CADM2: variants seen among roughly 807,000 people sequenced by gnomAD.
CADM2 encodes the protein cell adhesion molecule 2, also known as immunoglobulin superfamily member 4D.
CADM2 carries 12 observed loss-of-function variants against 49.8 expected under a neutral mutation model. The ratio of observed to expected loss-of-function variants is 0.24; its 90% CI spans 0.15 to 0.39. The LOEUF (loss-of-function observed/expected upper bound fraction) is 0.39, where lower values mean the gene tolerates loss of function less well. Ranked by LOEUF, CADM2 falls within the 10% of genes least tolerant of loss-of-function variation. The pLI is 1.00. For missense variants in CADM2, 378 were observed against 492.3 expected, an observed-to-expected ratio of 0.77 and a Z score of 2.20; for synonymous variants, 214 against 175.4, an observed-to-expected ratio of 1.22 and a Z score of -1.74.
chr3:86,016,020 G>A (rs1275313886), intron 8 of CADM2, among the ~76,000 whole-genome samples: 1 of 151,994 alleles, frequency 6.6e-6, no homozygotes, highest in Non-Finnish European at 1.5e-5. Flanking sequence ...AAAACAAAAT[G>A]TGAATTTTGT....
rs760331305 is a variant in CADM2, at chr3:86,066,803, A to G, written c.*20A>G. On this transcript the variant is annotated 3_prime_UTR_variant, in exon 10 of 10. Coordinates refer to ENST00000383699, the MANE Select transcript of CADM2 (RefSeq NM_001167675.2). The stretch of plus-strand genomic sequence containing the variant: ...ATTTAAGATGCAGGCCAAGATTCTG[A>G]GTTTTACTACCAGGCTGAATGCTGG... The G allele has an allele frequency of 6.6e-7, 1 of 1,507,964 alleles. No individual in the cohort carries two copies. Among genetic ancestry groups the G allele is most frequent in the Admixed American group, 1.7e-5 (1 of 59,754 alleles). The allele number at this position is 1,507,964 out of a possible 1,614,324, so 93.4% of individuals were successfully genotyped here. A position where few individuals can be genotyped will look rare whatever the true frequency, so the allele number is the denominator to read the frequency against.
At chr3:85,454,502 C>T (rs2037902834) in intron 1 of CADM2, among the ~76,000 whole-genome samples, 1 of 152,092 alleles carries the variant, frequency 6.6e-6, no homozygotes, top group Admixed American at 6.6e-5. Flanking sequence ...ATTACCACTC[C>T]TAGGCCTGAA....
At chr3:85,458,716 T>C (rs915199073) in intron 1 of CADM2, among the ~76,000 whole-genome samples, 3 of 152,118 alleles carry the variant, frequency 2.0e-5, no homozygotes, top group Non-Finnish European at 4.4e-5. Context: ...GCTCTGAGAT[T>C]CTACACTCTT....
At chr3:85,770,335 C>T (rs726453) in intron 2 of CADM2, among the ~76,000 whole-genome samples, 100,476 of 151,704 alleles carry the variant, frequency 0.66, 33,738 homozygotes, top group East Asian at 0.77. Context: ...TGAGATAGGG[C>T]CTCGCTCTGT....
intron 1 of CADM2, among the ~76,000 whole-genome samples, chr3:85,102,396 G>A (rs539500865): frequency 6.6e-6 from 1 of 152,136 alleles, no homozygotes; most frequent in Non-Finnish European, 1.5e-5. Flanking sequence ...TCAGTTACAA[G>A]CACAGAGAGT....
intron 1 of CADM2, among the ~76,000 whole-genome samples, chr3:85,602,572 C>A (rs549984805): frequency 6.6e-6 from 1 of 151,598 alleles, no homozygotes; most frequent in African/African-American, 2.4e-5. Context: ...CCAAAAAGGC[C>A]CTAGGTCTCT....
chr3:85,883,632 C>A (rs1713140154), intron 4 of CADM2, among the ~76,000 whole-genome samples, 189 bp downstream of exon 4: 1 of 152,122 alleles, frequency 6.6e-6, no homozygotes, highest in Admixed American at 6.6e-5. Flanking sequence ...TATAAAGGGA[C>A]AAAGATAGAT....
At chr3:85,439,220 T>C (rs925007977) in intron 1 of CADM2, among the ~76,000 whole-genome samples, 8 of 151,340 alleles carry the variant, frequency 5.3e-5, no homozygotes, top group African/African-American at 1.9e-4. Context: ...ATGGAGCAAT[T>C]TGAACTCACC....
chr3:85,977,605 C>T (rs1439047562), intron 8 of CADM2, among the ~76,000 whole-genome samples: 4 of 151,458 alleles, frequency 2.6e-5, no homozygotes, highest in Non-Finnish European at 5.9e-5. Context: ...AGAAATCTTA[C>T]CTTGAAATAA....
intron 7 of CADM2, among the ~76,000 whole-genome samples, chr3:85,961,072 T>C (rs1724752728): frequency 6.8e-6 from 1 of 147,450 alleles, no homozygotes; most frequent in Non-Finnish European, 1.5e-5. Context: ...TATTTATATA[T>C]AAATATAAAT....
At chr3:85,343,403 C>G (rs1345062979) in intron 1 of CADM2, among the ~76,000 whole-genome samples, 1 of 152,062 alleles carries the variant, frequency 6.6e-6, no homozygotes, top group African/African-American at 2.4e-5. Flanking sequence ...CGCTTAACTC[C>G]CATTCTAGAG....
At chr3:85,782,672 A>AAAAAAAG (rs2070730976) in intron 2 of CADM2, among the ~76,000 whole-genome samples, 1 of 151,878 alleles carries the variant, frequency 6.6e-6, no homozygotes, top group Non-Finnish European at 1.5e-5. Context: ...AAAAAAGAAA[A>AAAAAAAG]AAAAAAGAAA....
chr3:85,372,968 G>T (rs1455141748), intron 1 of CADM2, among the ~76,000 whole-genome samples: 1 of 152,032 alleles, frequency 6.6e-6, no homozygotes. Flanking sequence ...TATGGGAGCT[G>T]CAATTCAAGA....
chr3:85,161,021 C>T (rs2040305630), intron 1 of CADM2, among the ~76,000 whole-genome samples: 1 of 152,070 alleles, frequency 6.6e-6, no homozygotes, highest in African/African-American at 2.4e-5. Context: ...CTTGGTAAAG[C>T]TACTTTTTGT....
intron 1 of CADM2, among the ~76,000 whole-genome samples, chr3:85,635,927 A>G (rs55765801): frequency 0.32 from 49,113 of 152,000 alleles, 8,794 homozygotes; most frequent in African/African-American, 0.48. Context: ...ACATTGTCAT[A>G]TAGAACAATA....
intron 3 of CADM2, among the ~76,000 whole-genome samples, chr3:85,815,377 C>G (rs569300595): frequency 6.6e-6 from 1 of 152,226 alleles, no homozygotes; most frequent in Non-Finnish European, 1.5e-5. Flanking sequence ...TCCAGCAGCA[C>G]ATCAAAAAGC....
intron 1 of CADM2, among the ~76,000 whole-genome samples, chr3:85,688,584 CA>C (rs1337730789): frequency 7.7e-6 from 1 of 130,196 alleles, no homozygotes; most frequent in Non-Finnish European, 1.6e-5. Context: ...TTTTTTGAGA[CA>C]GTGTTTCACT....
At chr3:85,267,480 A>T (rs912759992) in intron 1 of CADM2, among the ~76,000 whole-genome samples, 2 of 151,692 alleles carry the variant, frequency 1.3e-5, no homozygotes, top group African/African-American at 4.8e-5. Flanking sequence ...GCAGAAACCC[A>T]CCATATTTAA....
intron 1 of CADM2, among the ~76,000 whole-genome samples, chr3:85,701,478 G>A (rs2066752057): frequency 7.1e-6 from 1 of 141,304 alleles, no homozygotes; most frequent in Non-Finnish European, 1.6e-5. Context: ...TTATTAGGCT[G>A]TATTTTTTTT....
Sources: gnomAD v4.1 joint callset for allele counts (sites outside exome capture counted in the v4.1 genomes callset) on GRCh38, gnomAD v4.1.1 for gene constraint, MANE v1.5 for transcripts, NCBI Gene and HGNC (gene_info 2026-07-23, HGNC 2026-07-21) for gene names.